The following MEP1B variants were observed in gnomAD, a reference collection of about 807,000 sequenced individuals.
MEP1B encodes the protein N-benzoyl-L-tyrosyl-P-amino-benzoic acid hydrolase subunit beta.
A neutral mutation model predicts 84.6 loss-of-function variants in MEP1B; 80 were observed. The ratio of observed to expected loss-of-function variants is 0.95; its 90% CI spans 0.79 to 1.14. The LOEUF is 1.14. Ranked by LOEUF, MEP1B falls within the 50% of genes most tolerant of loss-of-function variation. The pLI is 0.00. For synonymous variants in MEP1B, 273 were observed against 288.1 expected, an observed-to-expected ratio of 0.95 and a Z score of 0.53; for missense variants, 766 against 855.1, an observed-to-expected ratio of 0.90 and a Z score of 1.30.
intron 5 of MEP1B, among the ~76,000 whole-genome samples, chr18:32,202,337 A>G (rs1313060327): frequency 6.6e-6 from 1 of 152,086 alleles, no homozygotes; most frequent in African/African-American, 2.4e-5. Context: ...TATCACTCTT[A>G]TATCCAGAGC....
intron 11 of MEP1B, among the ~76,000 whole-genome samples, chr18:32,214,369 G>T (rs538597190): frequency 6.6e-6 from 1 of 152,238 alleles, no homozygotes; most frequent in Admixed American, 6.5e-5. Flanking sequence ...GAATAATTTT[G>T]CCAAATGTGA....
intron 5 of MEP1B, 98 bp downstream of exon 5, chr18:32,195,583 T>A: frequency 1.3e-6 from 1 of 746,916 alleles, no homozygotes; most frequent in Non-Finnish European, 2.1e-6. Context: ...CTTTAAGGTT[T>A]TGTTTGGTTT....
At chr18:32,216,780 T>C (rs1282045519) in intron 12 of MEP1B, among the ~76,000 whole-genome samples, 1 of 151,716 alleles carries the variant, frequency 6.6e-6, no homozygotes, top group Non-Finnish European at 1.5e-5. Flanking sequence ...CTCACGCCTA[T>C]AATCCCAGGA....
rs616114 is a variant in MEP1B at position 32,217,958 on chromosome 18, C to T, written c.2084C>T (p.Pro695Leu). Residue 695 changes from proline (P) to leucine (L), a missense_variant, in exon 14 of 15, where the codon CCG (proline) becomes CTG (leucine). By Grantham distance (98) the Pro-to-Leu change is moderately conservative. Coordinates refer to ENST00000269202, the MANE Select transcript of MEP1B (RefSeq NM_005925.3). ...AGCTCAAATCGACCAAATTTGACTC[C>T]GCAAAATGTAAGTTGAGGCTGATGT... ...RMSSNRPNLTPQNQHAF is the reference protein window; with the variant it reads ...RMSSNRPNLTLQNQHAF The T allele has an allele frequency of 0.38, 617,107 of 1,612,756 alleles. 119,285 individuals are homozygous for T. The highest frequency in any genetic ancestry group is 0.4 in the African/African-American group (29,781 of 74,904).
In MEP1B at chr18:32,217,033, C is replaced by T. The variant is rs760955005; in HGVS notation, c.1802C>T (p.Ala601Val). The T allele has an allele frequency of 1.2e-6, 2 of 1,613,626 alleles. No homozygotes were observed. Among genetic ancestry groups the T allele is most frequent in the Non-Finnish European group, 8.5e-7 (1 of 1,179,650 alleles). ...LNSTQIQLTP[A>V]PSVQDLCSKT... ...TCTACACAAATCCAGCTAACACCAG[C>T]CCCTAGTGTTCAAGACCTCTGCTCA... Residue 601 changes from alanine to valine, a missense_variant, in exon 13 of 15, where the codon GCC becomes GTC. Ala to Val is a moderately conservative substitution (Grantham distance 64, BLOSUM62 0). Transcript: ENST00000269202.
chr18:32,191,448 A>G (rs1384384911), intron 1 of MEP1B, among the ~76,000 whole-genome samples: 2 of 152,034 alleles, frequency 1.3e-5, no homozygotes, highest in Non-Finnish European at 2.9e-5. Context: ...TTCAACATTG[A>G]GAATAAATTA....
rs758268457 is a variant in MEP1B at position 32,215,198 on chromosome 18, G to A, written c.1696G>A (p.Glu566Lys). 21 of 1,610,798 alleles carry A rather than the reference G, an allele frequency of 1.3e-5. No individual in the cohort carries two copies. Among genetic ancestry groups the A allele is most frequent in the South Asian group, 1.1e-4 (10 of 90,408 alleles). The change falls in exon 12 of 15, where the codon GAA becomes AAA. Residue 566 changes from glutamate (E) to lysine (K), a missense_variant. Glu to Lys is a moderately conservative substitution (Grantham distance 56). Coordinates refer to ENST00000269202, the MANE Select transcript of MEP1B (RefSeq NM_005925.3). ...TGGAACCAGTGCCTTTATAACCCAC[G>A]AAAGGCTGAAAAGCAGAGATTTTAT... ...GYGTSAFITH[E>K]RLKSRDFIKG...
intron 5 of MEP1B, among the ~76,000 whole-genome samples, chr18:32,201,396 G>A (rs1046958668): frequency 3.3e-5 from 5 of 151,760 alleles, no homozygotes; most frequent in Non-Finnish European, 7.4e-5. Flanking sequence ...TAAAAGCCCA[G>A]CTGTGAGGCT....
chr18:32,211,503 T>A (rs1490847089), intron 10 of MEP1B, among the ~76,000 whole-genome samples: 5 of 152,120 alleles, frequency 3.3e-5, no homozygotes, highest in Admixed American at 2.6e-4. Flanking sequence ...ACTTCGGTTG[T>A]TTCACTTCCC....
chr18:32,205,167 G>A (rs1384892860), intron 7 of MEP1B, among the ~76,000 whole-genome samples: 1 of 152,194 alleles, frequency 6.6e-6, no homozygotes, highest in African/African-American at 2.4e-5. Flanking sequence ...TTTGATCATG[G>A]TCTTCTTTTT....
Position 32,197,345 on chromosome 18 carries a change from A to G in MEP1B, c.250+1860A>G. On this transcript the variant is annotated intron_variant, in intron 5 of 14. Coordinates refer to ENST00000269202, the MANE Select transcript of MEP1B (RefSeq NM_005925.3). Reference sequence around the variant, plus strand: ...ATTAGCTTAGAAATTGCTGTTTGGGAAAAGTTTGAGTAAAAACCCTGCTAT... The same window carrying G: ...ATTAGCTTAGAAATTGCTGTTTGGGGAAAGTTTGAGTAAAAACCCTGCTAT... Among the ~76,000 whole-genome samples the G allele has an allele frequency of 1.3e-5, 2 of 152,092 alleles. 1 individual carries two copies. Among genetic ancestry groups the G allele is most frequent in the East Asian group, 3.9e-4 (2 of 5,194 alleles).
intron 9 of MEP1B, among the ~76,000 whole-genome samples, chr18:32,209,226 C>T (rs1384097796): frequency 6.6e-6 from 1 of 152,186 alleles, no homozygotes; most frequent in Non-Finnish European, 1.5e-5. Context: ...GTGGCTCATG[C>T]CTGTAATCCC....
chr18:32,196,877 G>T lies in MEP1B; in HGVS notation c.250+1392G>T. The T allele has an allele frequency of 2.1e-6, 1 of 479,226 alleles. No homozygotes were observed. The allele number at this position is 479,226 out of a possible 1,614,324, so 29.7% of individuals were successfully genotyped here. A position where few individuals can be genotyped will look rare whatever the true frequency, so the allele number is the denominator to read the frequency against. ...ACTTGCCCATGATGTAGTGGAGGCG[G>T]GCAAGGAGGCGCAGGCAGGCTCAGA... On this transcript the variant is annotated intron_variant, in intron 5 of 14. Coordinates refer to ENST00000269202, the MANE Select transcript of MEP1B (RefSeq NM_005925.3). This position sits in a 1 kb window ranked among gnomAD's most constrained non-coding sequence, Gnocchi z 4.4.
At position 32,217,637 on chromosome 18, in the gene MEP1B, T is replaced by C. The variant is rs1416560072; in HGVS notation, c.1887-124T>C. 14 of 787,560 alleles carry C rather than the reference T, an allele frequency of 1.8e-5. No individual in the cohort carries two copies. In the Admixed American group the frequency reaches 2.6e-4, roughly 15 times the overall value. 48.8% of individuals were successfully genotyped at this position (787,560 alleles called of 1,614,324 possible). ...TCTCTCCAGTCCAGAGTGGGTAAAA[T>C]AGTTTCATATAGCAATGACCTATTG... On this transcript the variant is annotated intron_variant, in intron 13 of 14. Transcript: ENST00000269202.
intron 4 of MEP1B, 116 bp from the exon 5 acceptor site, chr18:32,195,289 CAA>C (rs374296834): frequency 3.2e-6 from 2 of 632,212 alleles, no homozygotes; most frequent in East Asian, 5.7e-5. Context: ...CACACACACA[CAA>C]TTTGTTTGTG....
At chr18:32,216,878 AAAG>A in intron 12 of MEP1B, 110 bp from the exon 13 acceptor site, 24 of 1,301,550 alleles carry the variant, frequency 1.8e-5, no homozygotes, top group Middle Eastern at 1.9e-4. Flanking sequence ...TAAAAAAAAA[AAAG>A]AAAGAAAGAA....
At position 32,208,293 on chromosome 18, in the gene MEP1B, T is replaced by C. The variant is rs374225155; in HGVS notation, c.919+22T>C. 193 of 1,600,442 alleles carry C rather than the reference T, an allele frequency of 1.2e-4. 6 individuals are homozygous for C. In the East Asian group the frequency reaches 1.5e-3, roughly 13 times the overall value. ...CAAGGTAACAGGAGTGAGATATTCC[T>C]AGACTGTATACTCAGTGGCTACAGC... On this transcript the variant is annotated intron_variant, in intron 9 of 14. Transcript: ENST00000269202.
intron 5 of MEP1B, among the ~76,000 whole-genome samples, chr18:32,199,711 C>CCTTA (rs2040892743): frequency 6.7e-6 from 1 of 149,336 alleles, no homozygotes; most frequent in African/African-American, 2.5e-5. Context: ...TTCCTTCCTT[C>CCTTA]TTTCTTTTTT....
chr18:32,190,213 TTTG>T, intron 1 of MEP1B, 80 bp downstream of exon 1: 2 of 1,032,042 alleles, frequency 1.9e-6, no homozygotes, highest in Non-Finnish European at 2.9e-6. Flanking sequence ...GTGTTTTTTT[TTTG>T]TTTGTTTTTT....
Sources: gnomAD v4.1 joint callset for allele counts (sites outside exome capture counted in the v4.1 genomes callset) on GRCh38, gnomAD v4.1.1 for gene constraint, Gnocchi (gnomAD v3.1) non-coding constraint, MANE v1.5 for transcripts, NCBI Gene and HGNC (gene_info 2026-07-23, HGNC 2026-07-21) for gene names.